NCOA1: variants seen among roughly 807,000 people sequenced by gnomAD.
The protein encoded by NCOA1 is nuclear receptor coactivator 1, also known as Hin-2 protein.
NCOA1 carries 35 observed loss-of-function variants against 150.9 expected under a neutral mutation model. The observed-to-expected ratio is 0.23, with a 90% CI of 0.18 to 0.31. NCOA1 has a LOEUF of 0.31. Ranked by LOEUF, NCOA1 falls within the 10% of genes least tolerant of loss-of-function variation. NCOA1 has a pLI of 1.00. For missense variants in NCOA1, 1,491 were observed against 1,749.3 expected (o/e 0.85, Z 2.63); for synonymous variants, 590 against 630.0 (o/e 0.94, Z 0.95).
intron 3 of NCOA1, among the ~76,000 whole-genome samples, chr2:24,619,820 A>G (rs1385289317): frequency 1.3e-5 from 2 of 152,202 alleles, no homozygotes. Context: ...AGATAATTAT[A>G]AAATTATATT....
chr2:24,662,110 G>A lies in NCOA1; in HGVS notation c.89+3344G>A, dbSNP rs145963756. ...TAATTTTGAAACTGAGTTTATGTAT[G>A]AATGCCACCTTGTAATGTTTCTGTC... On this transcript the variant is annotated intron_variant, in intron 5 of 22. Transcript: ENST00000348332. Among the ~76,000 whole-genome samples the A allele has an allele frequency of 1.8e-3, 274 of 152,330 alleles. 13 individuals are homozygous for A. The East Asian group carries it at 0.048, about 27-fold the overall frequency.
chr2:24,653,289 TG>T (rs976673022), intron 4 of NCOA1, among the ~76,000 whole-genome samples: 6 of 152,292 alleles, frequency 3.9e-5, no homozygotes, highest in Admixed American at 2.6e-4. Flanking sequence ...TATCACGGGT[TG>T]TTTTTTTACA....
chr2:24,755,448 A>G (rs1014744554), intron 20 of NCOA1, among the ~76,000 whole-genome samples: 3 of 152,258 alleles, frequency 2.0e-5, no homozygotes, highest in African/African-American at 7.2e-5. Flanking sequence ...GCTTGTTAAT[A>G]CCTGTAATAT....
At chr2:24,667,435 G>C (rs1266362074) in intron 6 of NCOA1, among the ~76,000 whole-genome samples, 1 of 152,080 alleles carries the variant, frequency 6.6e-6, no homozygotes, top group African/African-American at 2.4e-5. Context: ...TGAACAAAAA[G>C]CCAGGTATTG....
intron 3 of NCOA1, among the ~76,000 whole-genome samples, chr2:24,589,141 A>C (rs568321511): frequency 6.6e-6 from 1 of 152,158 alleles, no homozygotes. Flanking sequence ...TGGTGGAAGC[A>C]CACCAAGACC....
intron 1 of NCOA1, among the ~76,000 whole-genome samples, chr2:24,512,613 T>G (rs1663981297): frequency 6.6e-6 from 1 of 152,214 alleles, no homozygotes; most frequent in African/African-American, 2.4e-5. Context: ...TGCAGAGTGG[T>G]GCAGCGTGGT....
intron 11 of NCOA1, among the ~76,000 whole-genome samples, chr2:24,704,008 T>G (rs1481070825): frequency 6.6e-6 from 1 of 152,214 alleles, no homozygotes; most frequent in East Asian, 1.9e-4. Context: ...ACGTATTTAA[T>G]AAATACTTAC....
chr2:24,741,971 C>G lies in NCOA1; in HGVS notation c.3491C>G (p.Pro1164Arg), dbSNP rs200016341. The G allele has an allele frequency of 2.5e-6, 4 of 1,614,202 alleles. No homozygotes were observed. The highest frequency in any genetic ancestry group is 3.4e-6 in the Non-Finnish European group (4 of 1,180,040). ...MGNPRLPQGAPQQFPYPPNYG... is the reference protein window; with the variant it reads ...MGNPRLPQGARQQFPYPPNYG... ...AACCCCCGTCTTCCTCAGGGTGCTC[C>G]ACAGCAATTCCCCTATCCACCAAAC... The change falls in exon 19 of 23, where the codon CCA becomes CGA. Residue 1164 changes from proline (P) to arginine (R), a missense_variant. Around this residue, in one of 8 missense-constraint regions of NCOA1, gnomAD observed 485 missense variants for 522.8 expected, o/e 0.93. Transcript: ENST00000348332.
chr2:24,564,655 G>A (rs1241199547), intron 2 of NCOA1: 2 of 152,116 alleles, frequency 1.3e-5, no homozygotes, highest in Non-Finnish European at 2.9e-5. Context: ...GTATTCCAAT[G>A]TGGTCTCACA....
chr2:24,518,422 A>T (rs947943510), intron 1 of NCOA1, among the ~76,000 whole-genome samples: 5 of 152,156 alleles, frequency 3.3e-5, no homozygotes, highest in African/African-American at 1.2e-4. Context: ...TCCCTCCATA[A>T]ACACAGACAA....
chr2:24,641,433 T>C (rs1229173640), intron 3 of NCOA1, among the ~76,000 whole-genome samples: 1 of 152,088 alleles, frequency 6.6e-6, no homozygotes, highest in Non-Finnish European at 1.5e-5. Flanking sequence ...TTTACCCTCA[T>C]ATTTATGATT....
At chr2:24,561,106 G>A (rs1288115656) in intron 1 of NCOA1, among the ~76,000 whole-genome samples, 2 of 152,164 alleles carry the variant, frequency 1.3e-5, no homozygotes, top group Admixed American at 6.6e-5. Flanking sequence ...TAAAAAGTAA[G>A]ATGCAAAACT....
intron 2 of NCOA1, among the ~76,000 whole-genome samples, chr2:24,568,223 T>A (rs1247797696): frequency 1.3e-5 from 2 of 152,168 alleles, no homozygotes; most frequent in Admixed American, 6.5e-5. Flanking sequence ...TTTGTTGTTT[T>A]GGGGGATAAG....
At chr2:24,557,108 A>G (rs528029512) in intron 1 of NCOA1, among the ~76,000 whole-genome samples, 79 of 149,876 alleles carry the variant, frequency 5.3e-4, no homozygotes, top group African/African-American at 1.9e-3. Context: ...CCCATTCCCA[A>G]TTGTGACAAC....
intron 21 of NCOA1, 117 bp from the exon 22 acceptor site, chr2:24,762,570 T>G: frequency 1.2e-6 from 1 of 862,570 alleles, no homozygotes; most frequent in Non-Finnish European, 1.9e-6. Flanking sequence ...TGCTAAGCTT[T>G]TCATTTTTGC....
chr2:24,531,108 G>A (rs1318351730), intron 1 of NCOA1, among the ~76,000 whole-genome samples: 3 of 152,166 alleles, frequency 2.0e-5, no homozygotes, highest in Admixed American at 6.5e-5. Flanking sequence ...GTAAGGGTGT[G>A]GAGAAAAGGG....
intron 4 of NCOA1, among the ~76,000 whole-genome samples, chr2:24,647,570 T>A (rs1670529845): frequency 6.6e-6 from 1 of 152,166 alleles, no homozygotes; most frequent in African/African-American, 2.4e-5. Context: ...ATTAGTATGA[T>A]AAAACTGTCA....
intron 3 of NCOA1, among the ~76,000 whole-genome samples, chr2:24,585,594 A>G (rs1340966149): frequency 1.3e-5 from 2 of 151,998 alleles, no homozygotes; most frequent in African/African-American, 2.4e-5. Flanking sequence ...TTTATTGGCT[A>G]TTGGTCTTTC....
intron 1 of NCOA1, among the ~76,000 whole-genome samples, chr2:24,533,329 G>A (rs1370451482): frequency 6.6e-6 from 1 of 152,178 alleles, no homozygotes; most frequent in African/African-American, 2.4e-5. Flanking sequence ...TTGCTTATTA[G>A]CTTAAGGAGA....
Sources: allele counts gnomAD v4.1 joint callset (sites outside exome capture counted in the v4.1 genomes callset), GRCh38; gene constraint gnomAD v4.1.1; regional missense constraint gnomAD v4.1.1; transcripts MANE v1.5; gene names NCBI Gene and HGNC (gene_info 2026-07-23, HGNC 2026-07-21).